Variants in CLPSL2 observed in about 807,000 individuals in gnomAD.
The protein encoded by CLPSL2 is colipase-like protein 2.
A neutral mutation model predicts 7.9 loss-of-function variants in CLPSL2; 4 were observed. The ratio of observed to expected loss-of-function variants is 0.50; its 90% confidence interval spans 0.25 to 1.15. CLPSL2 has a LOEUF of 1.15. Ranked by LOEUF, CLPSL2 falls within the 50% of genes most tolerant of loss-of-function variation. CLPSL2 has a pLI of 0.15. For synonymous variants in CLPSL2, 67 were observed against 53.1 expected (o/e 1.26, Z -1.14); for missense variants, 132 against 136.6 (o/e 0.97, Z 0.17).
At chr6:35,777,314 G>A in intron 1 of CLPSL2, 145 bp from the exon 2 acceptor site, 2 of 835,804 alleles carry the variant, frequency 2.4e-6, no homozygotes, top group Non-Finnish European at 3.7e-6. Context: ...GGGGCTGGGG[G>A]GGGAACCAGC....
At chr6:35,777,694 C>A in intron 2 of CLPSL2, 113 bp downstream of exon 2, 1 of 1,244,470 alleles carries the variant, frequency 8.0e-7, no homozygotes, top group Non-Finnish European at 1.1e-6. Context: ...TGCCCTTCTT[C>A]TTCTCCACTT....
At position 35,777,535 on chromosome 6, in the gene CLPSL2, C is replaced by T; in HGVS notation, c.161C>T (p.Ala54Val). The T allele has an allele frequency of 6.2e-7, 1 of 1,613,782 alleles. No individual in the cohort carries two copies. Among genetic ancestry groups the T allele is most frequent in the Admixed American group, 1.7e-5 (1 of 60,016 alleles). ...CCLMDLDSGG[A>V]FCAPRARITM... Reference sequence around the variant, plus strand: ...CTCATGGACTTGGACTCCGGTGGAGCCTTCTGTGCCCCCAGGGCCAGAATA... The same window carrying T: ...CTCATGGACTTGGACTCCGGTGGAGTCTTCTGTGCCCCCAGGGCCAGAATA... Residue 54 changes from alanine to valine, a missense_variant, in exon 2 of 3, where the codon GCC (alanine) becomes GTC (valine). Coordinates refer to ENST00000403376, the MANE Select transcript of CLPSL2 (RefSeq NM_207409.4).
intron 1 of CLPSL2, 24 bp from the exon 2 acceptor site, chr6:35,777,432 TGGC>T (rs1189835773): frequency 1.3e-6 from 2 of 1,545,930 alleles, no homozygotes; most frequent in Admixed American, 3.4e-5. Context: ...GCTCCCAGCC[TGGC>T]AGACATTCTG....
chr6:35,776,834 GC>G (rs1561936228), intron 1 of CLPSL2, 132 bp downstream of exon 1: 3 of 754,234 alleles, frequency 4.0e-6, no homozygotes, highest in Non-Finnish European at 5.7e-6. Flanking sequence ...CAGGCGGGTA[GC>G]CTGGGGCATC....
In CLPSL2 at chr6:35,776,613, A is replaced by G. The variant is rs1406436634; in HGVS notation, c.-6A>G. Reference sequence around the variant, plus strand: ...GAACCCCGCCGCTGCTCTGCCGCCCAGGCCCATGGCCGCAGCCCTGGCGCT... The same window carrying G: ...GAACCCCGCCGCTGCTCTGCCGCCCGGGCCCATGGCCGCAGCCCTGGCGCT... On this transcript the variant is annotated 5_prime_UTR_variant, in exon 1 of 3. Coordinates refer to ENST00000403376, the MANE Select transcript of CLPSL2 (RefSeq NM_207409.4). 6.7e-7 allele frequency: 1 copy of G among 1,500,600 alleles called. No individual in the cohort carries two copies. Among genetic ancestry groups the G allele is most frequent in the Non-Finnish European group, 8.8e-7 (1 of 1,131,960 alleles). 93.0% of individuals were successfully genotyped at this position (1,500,600 alleles called of 1,614,324 possible). A position where few individuals can be genotyped will look rare whatever the true frequency, so the allele number is the denominator to read the frequency against.
At chr6:35,777,895 T>C in intron 2 of CLPSL2, 1 of 717,638 alleles carries the variant, frequency 1.4e-6, no homozygotes, top group East Asian at 2.7e-5. Context: ...TATTCATCTA[T>C]GAAGCACCTA....
chr6:35,779,488 T>A lies in CLPSL2; in HGVS notation c.*38T>A. On this transcript the variant is annotated 3_prime_UTR_variant, in exon 3 of 3. Coordinates refer to ENST00000403376, the MANE Select transcript of CLPSL2 (RefSeq NM_207409.4). ...GCTGGTCACTGCTCCCTTGGGGCCA[T>A]AGGCCCTGGTTGCCACCAACTTGCT... is the stretch of plus-strand genomic sequence containing the variant. The A allele has an allele frequency of 6.4e-7, 1 of 1,554,706 alleles. No homozygotes were observed.
intron 1 of CLPSL2, 48 bp downstream of exon 1, chr6:35,776,750 G>T: frequency 7.5e-7 from 1 of 1,335,304 alleles, no homozygotes; most frequent in Non-Finnish European, 9.6e-7. Flanking sequence ...GGAGAGGGTG[G>T]CCCCGCCGCC....
At chr6:35,778,268 T>C (rs1274287911) in intron 2 of CLPSL2, among the ~76,000 whole-genome samples, 1 of 152,140 alleles carries the variant, frequency 6.6e-6, no homozygotes. Context: ...TAAATGCTTG[T>C]TGAATGAATG....
At chr6:35,776,730 C>A (rs768211863) in intron 1 of CLPSL2, 28 bp downstream of exon 1, 1 of 1,361,394 alleles carries the variant, frequency 7.3e-7, no homozygotes, top group Non-Finnish European at 9.4e-7. Flanking sequence ...CCCAGCCGGC[C>A]GCGACCGCAG....
chr6:35,777,271 C>A (rs1388902315), intron 1 of CLPSL2, among the ~76,000 whole-genome samples, 188 bp from the exon 2 acceptor site: 1 of 149,148 alleles, frequency 6.7e-6, no homozygotes, highest in Non-Finnish European at 1.5e-5. Context: ...CTCCTCCTCT[C>A]TGCTGCCCTG....
At position 35,777,516 on chromosome 6, in the gene CLPSL2, G is replaced by A. The variant is rs1456558697; in HGVS notation, c.142G>A (p.Asp48Asn). ...SECYSGCCLMDLDSGGAFCAP... is the reference protein window; with the variant it reads ...SECYSGCCLMNLDSGGAFCAP... ...GTGCTACAGTGGCTGCTGCCTCATGGACTTGGACTCCGGTGGAGCCTTCTG... is the reference window on the plus strand; with the variant it reads ...GTGCTACAGTGGCTGCTGCCTCATGAACTTGGACTCCGGTGGAGCCTTCTG... The change falls in exon 2 of 3, where the codon GAC becomes AAC. Residue 48 changes from aspartate to asparagine, a missense_variant. Coordinates refer to ENST00000403376, the MANE Select transcript of CLPSL2 (RefSeq NM_207409.4). 1.9e-6 allele frequency: 3 copies of A among 1,613,776 alleles called. No homozygotes were observed. Among genetic ancestry groups the A allele is most frequent in the Non-Finnish European group, 2.5e-6 (3 of 1,179,832 alleles).
intron 1 of CLPSL2, 39 bp downstream of exon 1, chr6:35,776,741 G>T (rs560710029): frequency 1.5e-6 from 2 of 1,352,630 alleles, no homozygotes; most frequent in Non-Finnish European, 1.9e-6. Flanking sequence ...GCGACCGCAG[G>T]AGAGGGTGGC....
chr6:35,777,088 G>C (rs576799953), intron 1 of CLPSL2, among the ~76,000 whole-genome samples: 299 of 152,058 alleles, frequency 2.0e-3, no homozygotes, highest in Non-Finnish European at 3.4e-3. Context: ...AGGCACGAGG[G>C]CTCTCCCCTT....
intron 1 of CLPSL2, 68 bp from the exon 2 acceptor site, chr6:35,777,391 C>T: frequency 6.4e-7 from 1 of 1,554,588 alleles, no homozygotes; most frequent in African/African-American, 1.4e-5. Context: ...GGTGGGAACC[C>T]TCCCCTACCC....
intron 2 of CLPSL2, 120 bp downstream of exon 2, chr6:35,777,701 A>G (rs1486269513): frequency 8.7e-7 from 1 of 1,149,232 alleles, no homozygotes; most frequent in Non-Finnish European, 1.2e-6. Flanking sequence ...CTTCTTCTCC[A>G]CTTGGCAAAC....
intron 2 of CLPSL2, 72 bp downstream of exon 2, chr6:35,777,653 G>C (rs745825109): frequency 3.1e-5 from 46 of 1,479,660 alleles, no homozygotes; most frequent in South Asian, 2.3e-4. Context: ...AAAACACCTG[G>C]CCCCACCTGT....
Position 35,779,458 on chromosome 6 carries a change from T to A in CLPSL2, c.*8T>A, listed in dbSNP as rs1354818671. ...CGGTGCCATATGATTTAGAGGAAGA[T>A]GCAGGCTGGTCACTGCTCCCTTGGG... On this transcript the variant is annotated 3_prime_UTR_variant, in exon 3 of 3. Transcript: ENST00000403376. 6.4e-7 allele frequency: 1 copy of A among 1,569,362 alleles called. No individual in the cohort carries two copies. The highest frequency in any genetic ancestry group is 8.6e-7 in the Non-Finnish European group (1 of 1,156,958).
At chr6:35,776,729 C>T (rs1448556558) in intron 1 of CLPSL2, 27 bp downstream of exon 1, 14 of 1,362,090 alleles carry the variant, frequency 1.0e-5, no homozygotes, top group Non-Finnish European at 1.2e-5. Flanking sequence ...GCCCAGCCGG[C>T]CGCGACCGCA....
Sources: allele counts gnomAD v4.1 joint callset (sites outside exome capture counted in the v4.1 genomes callset), GRCh38; gene constraint gnomAD v4.1.1; transcripts MANE v1.5; gene names NCBI Gene and HGNC (gene_info 2026-07-23, HGNC 2026-07-21).